RTN4: variants seen among roughly 807,000 people sequenced by gnomAD.
The protein encoded by RTN4 is reticulon-4.
RTN4 carries 32 observed loss-of-function variants against 90.4 expected under a neutral mutation model. That is an observed-to-expected ratio of 0.35 (90% CI 0.27 to 0.48). The LOEUF (loss-of-function observed/expected upper bound fraction) is 0.48. Among genes scored for constraint, RTN4 ranks in the 20% least tolerant of loss-of-function variants. The pLI, the probability that RTN4 is intolerant of heterozygous loss-of-function variation, is 0.99. For synonymous variants in RTN4, 629 were observed against 552.5 expected, an observed-to-expected ratio of 1.14 and a Z score of -1.94; for missense variants, 1,706 against 1,430.2, an observed-to-expected ratio of 1.19 and a Z score of -3.11.
chr2:55,069,029 G>T (rs1668443005), intron 2 of RTN4, among the ~76,000 whole-genome samples: 1 of 152,208 alleles, frequency 6.6e-6, no homozygotes, highest in African/African-American at 2.4e-5. Flanking sequence ...TGCAAAATTA[G>T]AGAGAAGTGG....
intron 1 of RTN4, among the ~76,000 whole-genome samples, chr2:55,108,847 C>T (rs1424361867): frequency 2.6e-5 from 4 of 152,068 alleles, no homozygotes; most frequent in African/African-American, 4.8e-5. Flanking sequence ...AATAGTAAGA[C>T]TAAGAATCTA....
chr2:55,132,368 T>C, the RTN4 span, among the ~76,000 whole-genome samples: 1 of 151,858 alleles, frequency 6.6e-6, no homozygotes, highest in Non-Finnish European at 1.5e-5. Context: ...CCGGGTGTGA[T>C]GGCACACATC....
intron 1 of RTN4, among the ~76,000 whole-genome samples, chr2:55,042,987 A>G (rs771674206): frequency 1.3e-5 from 2 of 152,216 alleles, no homozygotes; most frequent in Non-Finnish European, 2.9e-5. Flanking sequence ...AAAATCAATG[A>G]TCATCATTCC....
At chr2:55,013,844 C>G (rs1378187978) in intron 3 of RTN4, among the ~76,000 whole-genome samples, 1 of 151,968 alleles carries the variant, frequency 6.6e-6, no homozygotes, top group African/African-American at 2.4e-5. Flanking sequence ...TTTAGAGATG[C>G]AAGGGAAAGA....
At chr2:55,008,134 G>A (rs1012276569) in intron 3 of RTN4, among the ~76,000 whole-genome samples, 11 of 111,742 alleles carry the variant, frequency 9.8e-5, no homozygotes, top group Non-Finnish European at 1.5e-4. Context: ...CCAGTTAATC[G>A]GCAAGCAAAC....
upstream of RTN4, chr2:55,112,701 T>C (rs1453560186): frequency 2.0e-5 from 3 of 152,278 alleles, no homozygotes; most frequent in African/African-American, 7.2e-5. Flanking sequence ...AGCATAGCCA[T>C]GAACAGCTCT....
At chr2:55,070,989 G>T (rs1476204198) in intron 2 of RTN4, among the ~76,000 whole-genome samples, 18 of 151,568 alleles carry the variant, frequency 1.2e-4, no homozygotes, top group Non-Finnish European at 2.4e-4. Flanking sequence ...TGTTAGCCAG[G>T]ATGGTCTCAA....
At chr2:55,106,412 T>A (rs1427048284) in intron 1 of RTN4, among the ~76,000 whole-genome samples, 1 of 152,130 alleles carries the variant, frequency 6.6e-6, no homozygotes, top group Non-Finnish European at 1.5e-5. Context: ...TTGTTATCTT[T>A]GTGTCTCCCA....
intron 1 of RTN4, chr2:55,049,471 C>A (rs1193564526): frequency 2.0e-6 from 1 of 488,892 alleles, no homozygotes; most frequent in Non-Finnish European, 3.8e-6. Context: ...TCCGAGAATC[C>A]GTACGCTGGG....
intron 1 of RTN4, among the ~76,000 whole-genome samples, chr2:55,106,744 A>T (rs1043876124): frequency 1.3e-5 from 2 of 151,808 alleles, no homozygotes; most frequent in Non-Finnish European, 2.9e-5. Context: ...GGTCTCGAAC[A>T]CCTGACCCCA....
intron 1 of RTN4, 129 bp from the exon 2 acceptor site, chr2:55,028,349 G>A: frequency 1.5e-6 from 1 of 667,628 alleles, no homozygotes. Context: ...AAAGGGCCAA[G>A]ATCAAAAGGA....
chr2:55,085,124 G>C (rs754464825), intron 1 of RTN4, among the ~76,000 whole-genome samples: 5 of 152,102 alleles, frequency 3.3e-5, no homozygotes, highest in African/African-American at 7.2e-5. Context: ...AGTAGGAGAA[G>C]ACATTTTAGG....
rs187886380 is a variant in RTN4 at position 55,092,941 on chromosome 2, T to G, written c.-213-12302A>C. On this transcript the variant is annotated intron_variant, in intron 1 of 3. Coordinates refer to the RTN4 transcript ENST00000427710. ...CATTTTCCCAATGGGTAAAACTTTT[T>G]TGTTTGATTTTAAAAATTCACTTTT... Among the ~76,000 whole-genome samples the G allele has an allele frequency of 2.3e-3, 346 of 152,390 alleles. 3 individuals carry two copies. Among genetic ancestry groups the G allele is most frequent in the Admixed American group, 0.02 (307 of 15,308 alleles).
intron 1 of RTN4, among the ~76,000 whole-genome samples, chr2:55,106,665 G>A (rs1276220655): frequency 6.6e-6 from 1 of 151,978 alleles, no homozygotes; most frequent in East Asian, 1.9e-4. Flanking sequence ...GATTACAGGC[G>A]TGCACCACCA....
At chr2:55,084,845 C>T (rs761095680) in intron 1 of RTN4, among the ~76,000 whole-genome samples, 12 of 151,944 alleles carry the variant, frequency 7.9e-5, no homozygotes, top group South Asian at 2.1e-4. Flanking sequence ...AGTGCAATGG[C>T]GCAATCACAG....
At chr2:55,113,444 T>C (rs923127142), upstream of RTN4, among the ~76,000 whole-genome samples, 3 of 152,188 alleles carry the variant, frequency 2.0e-5, no homozygotes, top group Non-Finnish European at 4.4e-5. Context: ...TCATTTAGCA[T>C]CCCTGGCTAC....
upstream of RTN4, chr2:55,050,513 C>A (rs200086156): frequency 5.1e-6 from 2 of 393,046 alleles, no homozygotes; most frequent in Non-Finnish European, 9.0e-6. This position sits in a 1 kb window ranked among gnomAD's most constrained non-coding sequence, Gnocchi z 4.6. Flanking sequence ...CACTTGCCGC[C>A]GCCGCCCAGA....
Position 54,987,642 on chromosome 2 carries a change from T to G in RTN4, c.3070A>C (p.Ser1024Arg). The G allele has an allele frequency of 6.2e-7, 1 of 1,614,224 alleles. No individual in the cohort carries two copies. The highest frequency in any genetic ancestry group is 8.5e-7 in the Non-Finnish European group (1 of 1,180,024). Reference sequence around the variant, plus strand: ...GTCAATGAAAGCAGCAGGAATAGGCTGGCACCAAACACCACTCCAGTCTTC... The same window carrying G: ...GTCAATGAAAGCAGCAGGAATAGGCGGGCACCAAACACCACTCCAGTCTTC... Reference protein sequence around the residue: ...IKKTGVVFGASLFLLLSLTVF... With the variant: ...IKKTGVVFGARLFLLLSLTVF... Residue 1024 changes from serine (S) to arginine (R), a missense_variant, in exon 4 of 9, where the codon AGC becomes CGC. By Grantham distance (110) the Ser-to-Arg change is moderately radical (BLOSUM62 -1). Transcript: ENST00000337526.
chr2:55,050,802 G>A (rs1453965433), upstream of RTN4: 2 of 70,714 alleles, frequency 2.8e-5, no homozygotes, highest in African/African-American at 1.3e-4. The surrounding 1 kb of genome is among the most constrained non-coding windows in gnomAD (Gnocchi z 4.6). Flanking sequence ...GTGGGGTCTT[G>A]GCCTTGCCCG....
Sources: gnomAD v4.1 joint callset for allele counts (sites outside exome capture counted in the v4.1 genomes callset) on GRCh38, gnomAD v4.1.1 for gene constraint, Gnocchi (gnomAD v3.1) non-coding constraint, MANE v1.5 for transcripts, NCBI Gene and HGNC (gene_info 2026-07-23, HGNC 2026-07-21) for gene names.